MSI1: variants seen among roughly 807,000 people sequenced by gnomAD.
MSI1 encodes RNA-binding protein Musashi homolog 1.
Under a neutral mutation model 54.4 loss-of-function variants are expected in MSI1, and 15 were observed. That is an observed-to-expected ratio of 0.28 (90% CI 0.18 to 0.42). The LOEUF (loss-of-function observed/expected upper bound fraction) is 0.42. Among genes scored for constraint, MSI1 ranks in the 20% least tolerant of loss-of-function variants. The probability of loss-of-function intolerance (pLI) is 1.00; values close to 1 mark genes in which losing one functional copy is unlikely to be tolerated. For synonymous variants in MSI1, 200 were observed against 196.5 expected, an observed-to-expected ratio of 1.02 and a Z score of -0.15; for missense variants, 304 against 506.0, an observed-to-expected ratio of 0.60 and a Z score of 3.83.
chr12:120,347,139 G>C (rs979765032), intron 12 of MSI1, among the ~76,000 whole-genome samples: 1 of 152,028 alleles, frequency 6.6e-6, no homozygotes, highest in South Asian at 2.1e-4. Flanking sequence ...TAGTAGAGAC[G>C]GGGTCTCACC....
intron 6 of MSI1, among the ~76,000 whole-genome samples, chr12:120,362,332 T>C (rs945961249): frequency 1.3e-5 from 2 of 152,266 alleles, no homozygotes; most frequent in African/African-American, 4.8e-5. Flanking sequence ...CTTTCCCTCC[T>C]AGACTTCAAA....
chr12:120,349,919 T>C (rs1874450496), intron 11 of MSI1, among the ~76,000 whole-genome samples: 1 of 152,258 alleles, frequency 6.6e-6, no homozygotes, highest in Non-Finnish European at 1.5e-5. Context: ...GAATGACTTA[T>C]TTATATAATA....
rs779947410 is a variant in MSI1 at position 120,347,495 on chromosome 12, G to A, written c.810C>T (p.Tyr270=). 332 of 1,613,982 alleles carry A rather than the reference G, an allele frequency of 2.1e-4. No homozygotes were observed. Among genetic ancestry groups the A allele is most frequent in the Middle Eastern group, 9.9e-4 (6 of 6,084 alleles). Residue 270 remains tyrosine (Y), a synonymous_variant, in exon 12 of 15, where the codon TAC becomes TAT. Coordinates refer to ENST00000257552, the MANE Select transcript of MSI1 (RefSeq NM_002442.4). The part of the protein sequence containing the change: ...PELTAIPLTA[Y]GPMAAAAAAA... ...CCGCCGCTGCCGCCGCCATTGGTCC[G>A]TAGGCAGTGAGAGGAATGGCTGAAA...
chr12:120,346,980 C>T (rs1222367321), intron 12 of MSI1, among the ~76,000 whole-genome samples: 3 of 151,878 alleles, frequency 2.0e-5, no homozygotes, highest in Non-Finnish European at 2.9e-5. Flanking sequence ...GACGGAGTCT[C>T]ACTCTGTTGC....
At chr12:120,344,562 A>G (rs1873953588) in intron 14 of MSI1, among the ~76,000 whole-genome samples, 1 of 152,106 alleles carries the variant, frequency 6.6e-6, no homozygotes, top group African/African-American at 2.4e-5. Flanking sequence ...TTAAAAACTT[A>G]GCCAGGCATG....
Position 120,363,099 on chromosome 12 carries a change from G to C in MSI1, c.346C>G (p.Leu116Val). The change falls in exon 6 of 15, where the codon CTG becomes GTG. Residue 116 changes from leucine to valine, a missense_variant. Around this residue, in one of 4 missense-constraint regions of MSI1, gnomAD observed 105 missense variants for 230.1 expected, o/e 0.46. Transcript: ENST00000257552. ...TRTKKIFVGG[L>V]SVNTTVEDVK... ...TCCTCCACCGTGGTGTTCACCGACA[G>C]CCCCCCCACAAAGATCTTCTTCGTT... The C allele has an allele frequency of 1.2e-6, 2 of 1,613,936 alleles. No individual in the cohort carries two copies. The highest frequency in any genetic ancestry group is 1.7e-6 in the Non-Finnish European group (2 of 1,179,962).
intron 14 of MSI1, 64 bp downstream of exon 14, chr12:120,345,506 T>C (rs1333604907): frequency 1.4e-6 from 2 of 1,467,378 alleles, no homozygotes; most frequent in Non-Finnish European, 1.9e-6. Flanking sequence ...GTGTCCCAGA[T>C]TCGATGGCCC....
At chr12:120,366,107 C>T (rs1468069797) in intron 4 of MSI1, among the ~76,000 whole-genome samples, 1 of 152,196 alleles carries the variant, frequency 6.6e-6, no homozygotes, top group African/African-American at 2.4e-5. Flanking sequence ...CCATGCAGGG[C>T]CTACAGGGCC....
chr12:120,367,227 T>G (rs1876070350), intron 4 of MSI1, among the ~76,000 whole-genome samples: 2 of 151,754 alleles, frequency 1.3e-5, no homozygotes, highest in Non-Finnish European at 2.9e-5. Context: ...AGAGAAGAGA[T>G]CCACACTATC....
intron 8 of MSI1, 39 bp from the exon 9 acceptor site, chr12:120,357,058 T>C: frequency 6.5e-7 from 1 of 1,538,546 alleles, no homozygotes; most frequent in Non-Finnish European, 9.0e-7. Flanking sequence ...CCCACAGAGC[T>C]AGAGTCATTA....
At chr12:120,366,472 C>T (rs1314851248) in intron 4 of MSI1, among the ~76,000 whole-genome samples, 1 of 152,086 alleles carries the variant, frequency 6.6e-6, no homozygotes, top group African/African-American at 2.4e-5. Flanking sequence ...TCTCTTTCTC[C>T]CAGAAGCAGC....
At chr12:120,356,287 A>G (rs1875111355) in intron 9 of MSI1, among the ~76,000 whole-genome samples, 1 of 151,854 alleles carries the variant, frequency 6.6e-6, no homozygotes, top group South Asian at 2.1e-4. Context: ...GCCCCCTCCA[A>G]AGGCCTTTGG....
At chr12:120,364,890 G>C (rs770596492) in intron 4 of MSI1, 135 bp from the exon 5 acceptor site, 5 of 674,384 alleles carry the variant, frequency 7.4e-6, no homozygotes, top group Non-Finnish European at 1.2e-5. Context: ...CCTCTAGGAG[G>C]AGAGAATAGT....
intron 4 of MSI1, among the ~76,000 whole-genome samples, chr12:120,367,567 C>T (rs964630363): frequency 1.3e-5 from 2 of 151,502 alleles, no homozygotes; most frequent in African/African-American, 4.9e-5. Flanking sequence ...GAGGGGGCTT[C>T]AAGGGATGCT....
intron 12 of MSI1, 72 bp from the exon 13 acceptor site, chr12:120,346,394 T>C: frequency 7.2e-7 from 1 of 1,394,454 alleles, no homozygotes; most frequent in South Asian, 1.6e-5. Flanking sequence ...CTCAAGCCTG[T>C]CCCACCCACC....
intron 7 of MSI1, 129 bp from the exon 8 acceptor site, chr12:120,358,027 A>G (rs1169526320): frequency 1.6e-5 from 12 of 741,610 alleles, no homozygotes; most frequent in Non-Finnish European, 2.8e-5. Flanking sequence ...GGCTCTGCTC[A>G]CAGCCTGGAA....
intron 4 of MSI1, among the ~76,000 whole-genome samples, chr12:120,366,252 C>G (rs898111383): frequency 6.6e-6 from 1 of 152,164 alleles, no homozygotes; most frequent in Non-Finnish European, 1.5e-5. Flanking sequence ...GCAGCTGGCT[C>G]TGGCTTCTCT....
chr12:120,368,183 G>C lies in MSI1; in HGVS notation c.182+9C>G. Reference sequence around the variant, plus strand: ...AGCCGGGAGCAGGAGGAGGGGGTGAGGGGCTCACCTGGATCTCTTGGTCAG... The same window carrying C: ...AGCCGGGAGCAGGAGGAGGGGGTGACGGGCTCACCTGGATCTCTTGGTCAG... On this transcript the variant is annotated intron_variant, in intron 3 of 14. Transcript: ENST00000257552. The surrounding 1 kb of genome is among the most constrained non-coding windows in gnomAD (Gnocchi z 6.6). 3 of 1,580,590 alleles carry C rather than the reference G, an allele frequency of 1.9e-6. No homozygotes were observed. Among genetic ancestry groups the C allele is most frequent in the East Asian group, 2.3e-5 (1 of 43,228 alleles).
intron 13 of MSI1, 94 bp from the exon 14 acceptor site, chr12:120,345,726 T>G (rs1192111520): frequency 1.4e-6 from 2 of 1,439,502 alleles, no homozygotes; most frequent in Non-Finnish European, 2.0e-6. Flanking sequence ...AGTGAGGCGC[T>G]GACCTCTCTC....
Sources: gnomAD v4.1 joint callset for allele counts (sites outside exome capture counted in the v4.1 genomes callset) on GRCh38, gnomAD v4.1.1 for gene constraint, gnomAD v4.1.1 regional missense constraint, Gnocchi (gnomAD v3.1) non-coding constraint, MANE v1.5 for transcripts, NCBI Gene and HGNC (gene_info 2026-07-23, HGNC 2026-07-21) for gene names.